The following RAI1 variants were observed in gnomAD, a reference collection of about 807,000 sequenced individuals.
The protein encoded by RAI1 is retinoic acid induced 1, also known as retinoic acid-induced protein 1.
RAI1 carries 9 observed loss-of-function variants against 123.8 expected under a neutral mutation model. The ratio of observed to expected loss-of-function variants is 0.07; its 90% CI spans 0.04 to 0.13. The LOEUF is 0.13. Ranked by LOEUF, RAI1 falls within the 10% of genes least tolerant of loss-of-function variation. RAI1 has a pLI of 1.00. For missense variants in RAI1, 2,256 were observed against 2,545.8 expected (o/e 0.89, Z 2.45); for synonymous variants, 1,231 against 1,127.3 (o/e 1.09, Z -1.84).
Position 17,803,060 on chromosome 17 carries a change from G to A in RAI1, c.5566-696G>A, listed in dbSNP as rs549865055. 1.0e-4 allele frequency among the ~76,000 whole-genome samples: 15 copies of A among 150,444 alleles called. No homozygotes were observed. The South Asian group carries it at 2.8e-3, about 28-fold the overall frequency. On this transcript the variant is annotated intron_variant, in intron 3 of 5. Transcript: ENST00000353383. ...GATCACACCATTGCACTCCAGCCCC[G>A]GGGGGACAGAGTGAAATTCTGTCTC...
chr17:17,705,137 G>A, intron 1 of RAI1, among the ~76,000 whole-genome samples: 1 of 152,170 alleles, frequency 6.6e-6, no homozygotes, highest in East Asian at 1.9e-4. Context: ...AGCACATCCT[G>A]ACTGATTCTT....
At chr17:17,785,246 C>T (rs1298738892) in intron 2 of RAI1, among the ~76,000 whole-genome samples, 1 of 152,250 alleles carries the variant, frequency 6.6e-6, no homozygotes, top group Non-Finnish European at 1.5e-5. Flanking sequence ...TTGGCTGTTG[C>T]ATGCATCCTG....
At chr17:17,725,758 G>A (rs1230024220) in intron 2 of RAI1, among the ~76,000 whole-genome samples, 4 of 152,076 alleles carry the variant, frequency 2.6e-5, no homozygotes, top group Non-Finnish European at 5.9e-5. Context: ...GGGGTAGAGA[G>A]CCAGGTCCAG....
intron 2 of RAI1, among the ~76,000 whole-genome samples, chr17:17,783,499 C>T (rs140108004): frequency 4.6e-5 from 7 of 152,106 alleles, no homozygotes; most frequent in Non-Finnish European, 7.4e-5. Flanking sequence ...GCAGCAGGCG[C>T]TCTGCCTTTG....
At position 17,714,986 on chromosome 17, in the gene RAI1, C is replaced by A. The variant is rs1457190606; in HGVS notation, c.-148-9042C>A. ...GCTGCTTCCCATCCCACCCACATCACCCTCTGTTAGGTAAGCAGGAGCAGA... is the reference window on the plus strand; with the variant it reads ...GCTGCTTCCCATCCCACCCACATCAACCTCTGTTAGGTAAGCAGGAGCAGA... On this transcript the variant is annotated intron_variant, in intron 1 of 5. Transcript: ENST00000353383. This position sits in a 1 kb window ranked among gnomAD's most constrained non-coding sequence, Gnocchi z 4.9. Among the ~76,000 whole-genome samples the A allele has an allele frequency of 1.3e-5, 2 of 152,216 alleles. No individual in the cohort carries two copies. Among genetic ancestry groups the A allele is most frequent in the East Asian group, 1.9e-4 (1 of 5,200 alleles).
intron 4 of RAI1, among the ~76,000 whole-genome samples, chr17:17,807,249 T>TGGGGGGGGGGGGGGGGGGGGG (rs531644381): frequency 1.5e-4 from 1 of 6,742 alleles, no homozygotes; most frequent in Non-Finnish European, 3.0e-4. Flanking sequence ...AGCCAGGCGG[T>TGGGGGGGGGGGGGGGGGGGGG]GGGGGGGGCG....
At chr17:17,754,326 C>T (rs142599193) in intron 2 of RAI1, among the ~76,000 whole-genome samples, 1,959 of 151,526 alleles carry the variant, frequency 0.013, 41 homozygotes, top group African/African-American at 0.043. Context: ...TGCCTCAGCC[C>T]CCCGGGTTCA....
At chr17:17,687,811 C>G (rs1598011399) in intron 1 of RAI1, among the ~76,000 whole-genome samples, 2 of 152,106 alleles carry the variant, frequency 1.3e-5, no homozygotes, top group East Asian at 3.9e-4. Flanking sequence ...AGGCGGATCA[C>G]TTGAGGTCAG....
chr17:17,772,319 C>T (rs1598068386), intron 2 of RAI1, among the ~76,000 whole-genome samples: 1 of 152,196 alleles, frequency 6.6e-6, no homozygotes, highest in East Asian at 1.9e-4. Flanking sequence ...CCACTTTGGT[C>T]TGGCCCCATT....
intron 2 of RAI1, among the ~76,000 whole-genome samples, chr17:17,730,947 G>T (rs551384087): frequency 2.6e-5 from 4 of 152,344 alleles, no homozygotes; most frequent in African/African-American, 9.6e-5. Flanking sequence ...GGGACCTTGG[G>T]CTAGAGTCCC....
At chr17:17,761,365 A>G (rs574072070) in intron 2 of RAI1, among the ~76,000 whole-genome samples, 5 of 152,126 alleles carry the variant, frequency 3.3e-5, no homozygotes, top group South Asian at 2.1e-4. Context: ...AATCGTACCA[A>G]TCCATTTACC....
chr17:17,691,158 C>T lies in RAI1; in HGVS notation c.-149+9365C>T, dbSNP rs1222334325. Among the ~76,000 whole-genome samples the T allele has an allele frequency of 6.6e-5, 10 of 152,084 alleles. No homozygotes were observed. The South Asian group carries it at 1.0e-3, about 16-fold the overall frequency. On this transcript the variant is annotated intron_variant, in intron 1 of 5. Transcript: ENST00000353383. The stretch of plus-strand genomic sequence containing the variant: ...TGGAGCAGTGGGTCTCATTCGGGGG[C>T]GATCTTGTGTCTCAGGGGACACTGG...
At chr17:17,725,135 T>C (rs987482791) in intron 2 of RAI1, among the ~76,000 whole-genome samples, 1 of 22,178 alleles carries the variant, frequency 4.5e-5, no homozygotes, top group Non-Finnish European at 1.0e-4. Context: ...GGGAGGGGGC[T>C]GGGGGGTGGG....
At chr17:17,682,979 A>G (rs992706811) in intron 1 of RAI1, among the ~76,000 whole-genome samples, 33 of 151,692 alleles carry the variant, frequency 2.2e-4, no homozygotes, top group African/African-American at 7.5e-4. Context: ...CGCGCCGCAC[A>G]CTCTCCCGCG....
intron 2 of RAI1, among the ~76,000 whole-genome samples, chr17:17,747,206 C>T (rs1297546261): frequency 6.6e-6 from 1 of 152,092 alleles, no homozygotes; most frequent in African/African-American, 2.4e-5. Flanking sequence ...ATGCACAGTA[C>T]CCCTGAGGTT....
Position 17,798,023 on chromosome 17 carries a change from A to G in RAI1, c.5075A>G (p.Asn1692Ser). 1 of 1,613,822 alleles carries G rather than the reference A, an allele frequency of 6.2e-7. No individual in the cohort carries two copies. The highest frequency in any genetic ancestry group is 8.5e-7 in the Non-Finnish European group (1 of 1,179,978). Residue 1692 changes from asparagine (N) to serine (S), a missense_variant, in exon 3 of 6, where the codon AAC becomes AGC. Physicochemically the swap from Asn to Ser is conservative, Grantham distance 46 (BLOSUM62 1). Around this residue, in one of 7 missense-constraint regions of RAI1, gnomAD observed 243 missense variants for 316.6 expected, o/e 0.77. Coordinates refer to ENST00000353383, the MANE Select transcript of RAI1 (RefSeq NM_030665.4). Reference protein sequence around the residue: ...TSCLVCCLCQNPANFKDLGDL... With the variant: ...TSCLVCCLCQSPANFKDLGDL... ...TGCCTTGTTTGCTGCCTCTGCCAAA[A>G]CCCGGCCAACTTCAAGGACCTTGGG... is the stretch of plus-strand genomic sequence containing the variant.
chr17:17,744,813 A>AT (rs1165955221), intron 2 of RAI1, among the ~76,000 whole-genome samples: 3 of 149,630 alleles, frequency 2.0e-5, no homozygotes, highest in East Asian at 3.9e-4. Flanking sequence ...AAAAAAAAAA[A>AT]GGAAAACTGT....
intron 2 of RAI1, among the ~76,000 whole-genome samples, chr17:17,787,398 C>T (rs1048718883): frequency 6.6e-6 from 1 of 152,200 alleles, no homozygotes; most frequent in Non-Finnish European, 1.5e-5. Context: ...CCCTTTTCTT[C>T]ATTTTGACAG....
At chr17:17,745,885 G>T (rs1170501708) in intron 2 of RAI1, among the ~76,000 whole-genome samples, 7 of 152,346 alleles carry the variant, frequency 4.6e-5, no homozygotes, top group Admixed American at 1.3e-4. Flanking sequence ...GAGAGGGGCA[G>T]GCTTGGGCCC....
Sources: gnomAD v4.1 joint callset for allele counts (sites outside exome capture counted in the v4.1 genomes callset) on GRCh38, gnomAD v4.1.1 for gene constraint, gnomAD v4.1.1 regional missense constraint, Gnocchi (gnomAD v3.1) non-coding constraint, MANE v1.5 for transcripts, NCBI Gene and HGNC (gene_info 2026-07-23, HGNC 2026-07-21) for gene names.